AP3D1: variants seen among roughly 807,000 people sequenced by gnomAD.
AP3D1 encodes AP-3 complex subunit delta-1.
Under a neutral mutation model 147.6 loss-of-function variants are expected in AP3D1, and 51 were observed. That is an observed-to-expected ratio of 0.35 (90% CI 0.28 to 0.44). The LOEUF is 0.44. Among genes scored for constraint, AP3D1 ranks in the 20% least tolerant of loss-of-function variants. The pLI is 1.00. For synonymous variants in AP3D1, 760 were observed against 663.0 expected (o/e 1.15, Z -2.25); for missense variants, 1,421 against 1,624.2 (o/e 0.87, Z 2.15).
chr19:2,102,045 A>G lies in AP3D1; in HGVS notation c.*128T>C, dbSNP rs2017968376. 2.8e-6 allele frequency: 2 copies of G among 702,492 alleles called. No homozygotes were observed. The highest frequency in any genetic ancestry group is 4.9e-6 in the Non-Finnish European group (2 of 410,132). The allele number at this position is 702,492 out of a possible 1,614,324, so 43.5% of individuals were successfully genotyped here. On this transcript the variant is annotated 3_prime_UTR_variant, in exon 32 of 32. Coordinates refer to ENST00000643116, the MANE Select transcript of AP3D1 (RefSeq NM_001261826.3). Reference sequence around the variant, plus strand: ...ATGACCTCGGATGTCTACACGGCGGACAACATAGAGTTAAATTAACACTCA... The same window carrying G: ...ATGACCTCGGATGTCTACACGGCGGGCAACATAGAGTTAAATTAACACTCA...
chr19:2,109,469 G>A (rs1049689814), intron 29 of AP3D1: 3 of 514,438 alleles, frequency 5.8e-6, no homozygotes, highest in African/African-American at 5.8e-5. Flanking sequence ...GACAAGGACG[G>A]ATGTCCTGTA....
At position 2,114,807 on chromosome 19, in the gene AP3D1, G is replaced by A. The variant is rs372514377; in HGVS notation, c.2364C>T (p.Ser788=). The change falls in exon 21 of 32, where the codon AGC becomes AGT. Residue 788 remains serine, a synonymous_variant. Transcript: ENST00000643116. Reference sequence around the variant, plus strand: ...CGTTGGGGTCTTTGTCATCCTCGTCGCTGGGCAGAGCATTCTGACAGGAAG... The same window carrying A: ...CGTTGGGGTCTTTGTCATCCTCGTCACTGGGCAGAGCATTCTGACAGGAAG... The part of the protein sequence containing the change: ...TEEMPENALP[S]DEDDKDPNDP... 3.5e-5 allele frequency: 56 copies of A among 1,613,882 alleles called. No individual in the cohort carries two copies. Among genetic ancestry groups the A allele is most frequent in the Admixed American group, 1.3e-4 (8 of 59,998 alleles).
At position 2,130,298 on chromosome 19, in the gene AP3D1, G is replaced by A. The variant is rs897758707; in HGVS notation, c.592+110C>T. On this transcript the variant is annotated intron_variant, in intron 6 of 31. Transcript: ENST00000643116. ...CCTCCAACAGGCATGTTCCTGGACT[G>A]AGCCCTTCACCACTCCCCGCAGCAC... 20 of 1,504,008 alleles carry A rather than the reference G, an allele frequency of 1.3e-5. No individual in the cohort carries two copies. The South Asian group carries it at 1.4e-4, about 11-fold the overall frequency. The allele number at this position is 1,504,008 out of a possible 1,614,324, so 93.2% of individuals were successfully genotyped here. A position where few individuals can be genotyped will look rare whatever the true frequency, so the allele number is the denominator to read the frequency against.
chr19:2,117,649 G>C (rs1281399212), intron 15 of AP3D1, among the ~76,000 whole-genome samples: 1 of 152,258 alleles, frequency 6.6e-6, no homozygotes, highest in African/African-American at 2.4e-5. Flanking sequence ...CCCGACACCA[G>C]AAGCACCACC....
At chr19:2,136,528 C>A (rs1163637519) in intron 4 of AP3D1, among the ~76,000 whole-genome samples, 1 of 152,192 alleles carries the variant, frequency 6.6e-6, no homozygotes, top group East Asian at 1.9e-4. Context: ...AGGACCTTTA[C>A]TACTACCCAG....
chr19:2,137,839 C>G, intron 2 of AP3D1, 32 bp from the exon 3 acceptor site: 1 of 1,605,470 alleles, frequency 6.2e-7, no homozygotes. Context: ...ATTGCACTCA[C>G]AAGCCAAAGC....
intron 1 of AP3D1, among the ~76,000 whole-genome samples, chr19:2,156,732 C>T (rs1246104003): frequency 6.6e-6 from 1 of 152,040 alleles, no homozygotes; most frequent in African/African-American, 2.4e-5. Context: ...GCCTGTAATC[C>T]CAGTTACTCG....
intron 21 of AP3D1, among the ~76,000 whole-genome samples, 157 bp from the exon 22 acceptor site, chr19:2,114,459 CT>C (rs1173580875): frequency 1.3e-5 from 2 of 152,164 alleles, no homozygotes; most frequent in Non-Finnish European, 2.9e-5. Context: ...ACACAGCCTG[CT>C]GGAGGCTCTC....
Position 2,107,135 on chromosome 19 carries a change from C to T in AP3D1, c.3552+1552G>A, listed in dbSNP as rs138300166. On this transcript the variant is annotated intron_variant, in intron 31 of 31. Coordinates refer to ENST00000643116, the MANE Select transcript of AP3D1 (RefSeq NM_001261826.3). Reference sequence around the variant, plus strand: ...AAAATTAGCCGGATGTGGTGGCGGGCGCTTGTATTCCCAGCTACTGCGGAG... The same window carrying T: ...AAAATTAGCCGGATGTGGTGGCGGGTGCTTGTATTCCCAGCTACTGCGGAG... Among the ~76,000 whole-genome samples the T allele has an allele frequency of 3.4e-3, 509 of 150,914 alleles. 3 individuals are homozygous for T. The highest frequency in any genetic ancestry group is 0.012 in the African/African-American group (480 of 41,078).
chr19:2,130,791 C>G (rs1429546546), intron 5 of AP3D1, among the ~76,000 whole-genome samples: 4 of 152,238 alleles, frequency 2.6e-5, no homozygotes, highest in African/African-American at 9.6e-5. Context: ...CTGGGTCCCA[C>G]AGTGGGAGGA....
In AP3D1 at chr19:2,112,591, G is replaced by A. The variant is rs971394245; in HGVS notation, c.2787+269C>T. 2.2e-5 allele frequency: 8 copies of A among 371,144 alleles called. 1 individual carries two copies. The highest frequency in any genetic ancestry group is 3.9e-5 in the Non-Finnish European group (8 of 206,024). 23.0% of individuals were successfully genotyped at this position (371,144 alleles called of 1,614,324 possible). ...TCTGGAACTAGACAGAGGTGATGAT[G>A]GTTGCACAACTCTGTGAATATACAG... On this transcript the variant is annotated intron_variant, in intron 24 of 31. Coordinates refer to ENST00000643116, the MANE Select transcript of AP3D1 (RefSeq NM_001261826.3).
chr19:2,162,482 G>T (rs1289050163), intron 1 of AP3D1, among the ~76,000 whole-genome samples: 1 of 151,274 alleles, frequency 6.6e-6, no homozygotes, highest in Non-Finnish European at 1.5e-5. Flanking sequence ...CCAACATGGC[G>T]GAAATGCATC....
chr19:2,123,259 T>A, intron 11 of AP3D1, 99 bp downstream of exon 11: 1 of 1,217,452 alleles, frequency 8.2e-7, no homozygotes, highest in Non-Finnish European at 1.2e-6. Flanking sequence ...CAGCTGGGGT[T>A]GCAGATGCCG....
chr19:2,123,692 G>A lies in AP3D1; in HGVS notation c.906+138C>T, dbSNP rs569835429. ...CTCGGGTAGGTAGTGCACACAGGAC[G>A]CGGCTGTGCCCTCCCAAGCCGCAAG... On this transcript the variant is annotated intron_variant, in intron 10 of 31. Coordinates refer to ENST00000643116, the MANE Select transcript of AP3D1 (RefSeq NM_001261826.3). 20 of 1,047,178 alleles carry A rather than the reference G, an allele frequency of 1.9e-5. 1 individual carries two copies. The South Asian group carries it at 2.0e-4, about 10-fold the overall frequency. The allele number at this position is 1,047,178 out of a possible 1,614,324, so 64.9% of individuals were successfully genotyped here.
chr19:2,125,209 A>C (rs1318857227), intron 9 of AP3D1, among the ~76,000 whole-genome samples: 1 of 152,244 alleles, frequency 6.6e-6, no homozygotes, highest in Non-Finnish European at 1.5e-5. Context: ...TCTACATATA[A>C]ATGTAAATAC....
chr19:2,125,486 T>C (rs2018729065), intron 9 of AP3D1, among the ~76,000 whole-genome samples: 1 of 152,138 alleles, frequency 6.6e-6, no homozygotes, highest in South Asian at 2.1e-4. Flanking sequence ...CTGCTAATTT[T>C]TGTATTTTTT....
At chr19:2,144,270 G>A (rs936021494) in intron 1 of AP3D1, among the ~76,000 whole-genome samples, 4 of 152,142 alleles carry the variant, frequency 2.6e-5, no homozygotes, top group African/African-American at 4.8e-5. Context: ...CTTCTCCTGC[G>A]GAGCGCTCTG....
At chr19:2,111,244 T>G in intron 26 of AP3D1, 41 bp downstream of exon 26, 1 of 1,611,852 alleles carries the variant, frequency 6.2e-7, no homozygotes, top group Non-Finnish European at 8.5e-7. Context: ...CCAAAGAGTG[T>G]GGGCTGGCCC....
intron 1 of AP3D1, among the ~76,000 whole-genome samples, chr19:2,161,278 C>G (rs2019696056): frequency 6.6e-6 from 1 of 151,176 alleles, no homozygotes; most frequent in South Asian, 2.1e-4. Flanking sequence ...TCTGTTGCCT[C>G]AGCCTCCCGA....
Sources: allele counts gnomAD v4.1 joint callset (sites outside exome capture counted in the v4.1 genomes callset), GRCh38; gene constraint gnomAD v4.1.1; transcripts MANE v1.5; gene names NCBI Gene and HGNC (gene_info 2026-07-23, HGNC 2026-07-21).